GFRA2: variants seen among roughly 807,000 people sequenced by gnomAD.
GFRA2 encodes GDNF family receptor alpha-2.
A neutral mutation model predicts 48.3 loss-of-function variants in GFRA2; 17 were observed. The ratio of observed to expected loss-of-function variants is 0.35; its 90% CI spans 0.24 to 0.53. GFRA2 has a LOEUF of 0.53. Ranked by LOEUF, GFRA2 falls within the 20% of genes least tolerant of loss-of-function variation. The probability of loss-of-function intolerance (pLI) is 0.93; values close to 1 mark genes in which losing one functional copy is unlikely to be tolerated. For missense variants in GFRA2, 660 were observed against 637.3 expected, an observed-to-expected ratio of 1.04 and a Z score of -0.38; for synonymous variants, 305 against 257.2, an observed-to-expected ratio of 1.19 and a Z score of -1.78.
chr8:21,762,274 G>A lies in GFRA2; in HGVS notation c.440-11332C>T, dbSNP rs193139095. 4.6e-5 allele frequency among the ~76,000 whole-genome samples: 7 copies of A among 152,164 alleles called. No individual in the cohort carries two copies. In the East Asian group the frequency reaches 5.8e-4, roughly 13 times the overall value. On this transcript the variant is annotated intron_variant, in intron 3 of 8. Transcript: ENST00000524240. The stretch of plus-strand genomic sequence containing the variant: ...CTGGAAGCAATACATCAGTGTCCCC[G>A]TCCCCAGGAGCTGGCAAGACCAATA...
chr8:21,738,167 A>ATCCCCCTCCCCCGTTCCTCCTCC, intron 4 of GFRA2, among the ~76,000 whole-genome samples: 1 of 3,742 alleles, frequency 2.7e-4, no homozygotes, highest in East Asian at 0.011. Context: ...CCCCCTCCTC[A>ATCCCCCTCCCCCGTTCCTCCTCC]TCCCCCTCCC....
rs1015475829 is a variant in GFRA2 at position 21,782,589 on chromosome 8, G to T, written c.351C>A (p.Thr117=). Residue 117 remains threonine, a synonymous_variant, in exon 2 of 9, where the codon ACC becomes ACA. Coordinates refer to ENST00000524240, the MANE Select transcript of GFRA2 (RefSeq NM_001495.5). ...GCAAGCCCCGCCCAGGCTTACCCTC[G>T]GTCAGCCCCAGGTGGATGCTCCAGT... The part of the protein sequence containing the change: ...QIYWSIHLGL[T]EGEEFYEASP... 1.7e-5 allele frequency: 27 copies of T among 1,571,068 alleles called. No homozygotes were observed. The highest frequency in any genetic ancestry group is 2.3e-5 in the Non-Finnish European group (27 of 1,157,496).
At chr8:21,727,241 C>A (rs1803915788) in intron 4 of GFRA2, among the ~76,000 whole-genome samples, 1 of 152,312 alleles carries the variant, frequency 6.6e-6, no homozygotes, top group Non-Finnish European at 1.5e-5. Flanking sequence ...TGAGAGGTCA[C>A]TCCTCCAAGG....
chr8:21,748,355 T>C (rs1805112677), intron 4 of GFRA2, among the ~76,000 whole-genome samples: 1 of 152,110 alleles, frequency 6.6e-6, no homozygotes, highest in Non-Finnish European at 1.5e-5. Context: ...ATTTATCCAT[T>C]CAACTAACCT....
At chr8:21,701,981 T>G (rs1802502937) in intron 7 of GFRA2, among the ~76,000 whole-genome samples, 2 of 152,106 alleles carry the variant, frequency 1.3e-5, no homozygotes, top group Non-Finnish European at 2.9e-5. Flanking sequence ...GATGGGCCGG[T>G]CCAAGAGGCT....
At chr8:21,705,648 T>C (rs1208733400) in intron 5 of GFRA2, among the ~76,000 whole-genome samples, 1 of 152,244 alleles carries the variant, frequency 6.6e-6, no homozygotes, top group Non-Finnish European at 1.5e-5. Context: ...GTGCAGAGCC[T>C]GGAATGTCAG....
chr8:21,786,809 C>T lies in GFRA2; in HGVS notation c.40+1311G>A, dbSNP rs368453605. 2.0e-5 allele frequency among the ~76,000 whole-genome samples: 3 copies of T among 152,186 alleles called. No individual in the cohort carries two copies. The South Asian group carries it at 6.2e-4, about 31-fold the overall frequency. ...AGTCTGGCGAGCACTTCTTAGACCACGCACATCCTCCTGTAACCAGCTCCT... is the reference window on the plus strand; with the variant it reads ...AGTCTGGCGAGCACTTCTTAGACCATGCACATCCTCCTGTAACCAGCTCCT... On this transcript the variant is annotated intron_variant, in intron 1 of 8. Coordinates refer to ENST00000524240, the MANE Select transcript of GFRA2 (RefSeq NM_001495.5).
At chr8:21,802,158 G>A (rs1050497365) in intron 2 of GFRA2, among the ~76,000 whole-genome samples, 13 of 152,228 alleles carry the variant, frequency 8.5e-5, no homozygotes, top group Admixed American at 4.6e-4. Context: ...TTACTCAGGA[G>A]ACGGGGCTCA....
At position 21,748,713 on chromosome 8, in the gene GFRA2, G is replaced by T. The variant is rs144369395; in HGVS notation, c.794+1875C>A. The stretch of plus-strand genomic sequence containing the variant: ...TAATATCACCTACCTCAGTTTTGTC[G>T]CAAGGATTAAATGAGACAGAAAGCC... On this transcript the variant is annotated intron_variant, in intron 4 of 8. Coordinates refer to ENST00000524240, the MANE Select transcript of GFRA2 (RefSeq NM_001495.5). Among the ~76,000 whole-genome samples, 318 of 152,168 alleles carry T rather than the reference G, an allele frequency of 2.1e-3. 1 individual carries two copies. The highest frequency in any genetic ancestry group is 3.2e-3 in the Non-Finnish European group (218 of 68,006).
intron 1 of GFRA2, among the ~76,000 whole-genome samples, chr8:21,810,672 C>A (rs548691809): frequency 1.3e-5 from 2 of 152,248 alleles, no homozygotes; most frequent in African/African-American, 4.8e-5. Flanking sequence ...CTCAGTGGAG[C>A]CAGTGGTAAC....
At chr8:21,717,180 C>T (rs895462766) in intron 4 of GFRA2, among the ~76,000 whole-genome samples, 1 of 152,156 alleles carries the variant, frequency 6.6e-6, no homozygotes, top group Admixed American at 6.5e-5. Context: ...AGGAGCACTT[C>T]AAGGAGAGCA....
chr8:21,759,753 G>C (rs1350650363), intron 3 of GFRA2, among the ~76,000 whole-genome samples: 1 of 151,918 alleles, frequency 6.6e-6, no homozygotes, highest in African/African-American at 2.4e-5. Context: ...GCCGAGTGTG[G>C]TGGCATGTGC....
At chr8:21,803,787 C>T (rs1431418376) in intron 2 of GFRA2, among the ~76,000 whole-genome samples, 1 of 152,152 alleles carries the variant, frequency 6.6e-6, no homozygotes, top group Non-Finnish European at 1.5e-5. Flanking sequence ...CACAAACCAC[C>T]ACACCTGCTT....
chr8:21,709,291 A>C (rs1802899272), intron 4 of GFRA2, among the ~76,000 whole-genome samples: 1 of 152,206 alleles, frequency 6.6e-6, no homozygotes, highest in African/African-American at 2.4e-5. Context: ...TTCCGTTTCC[A>C]TATTCTAGCT....
intron 4 of GFRA2, among the ~76,000 whole-genome samples, chr8:21,736,053 TG>T (rs1804445544): frequency 6.6e-6 from 1 of 152,224 alleles, no homozygotes; most frequent in Non-Finnish European, 1.5e-5. Context: ...CCCTTCACCT[TG>T]GGAAGTCCCA....
chr8:21,725,596 T>TA (rs557663512), intron 4 of GFRA2, among the ~76,000 whole-genome samples: 209 of 152,390 alleles, frequency 1.4e-3, no homozygotes, highest in Admixed American at 6.1e-3. Flanking sequence ...TTTGAGTGTT[T>TA]AATAGGCATT....
intron 2 of GFRA2, among the ~76,000 whole-genome samples, chr8:21,800,753 C>T (rs1283499548): frequency 1.3e-5 from 2 of 152,048 alleles, no homozygotes; most frequent in Non-Finnish European, 2.9e-5. Context: ...GGTGAGACCC[C>T]ATCTCTATAC....
At chr8:21,787,214 G>C (rs1396352663) in intron 1 of GFRA2, among the ~76,000 whole-genome samples, 2 of 151,302 alleles carry the variant, frequency 1.3e-5, no homozygotes, top group Admixed American at 6.6e-5. Flanking sequence ...AAGAAACTGC[G>C]TGGGGCTCAG....
exon 1 of GFRA2, chr8:21,812,328 G>A (rs1563274434): frequency 6.6e-6 from 1 of 152,324 alleles, no homozygotes; most frequent in Non-Finnish European, 1.5e-5. Context: ...GGTTGCCCTT[G>A]CCGGGGTCTC....
Sources: allele counts gnomAD v4.1 joint callset (sites outside exome capture counted in the v4.1 genomes callset), GRCh38; gene constraint gnomAD v4.1.1; transcripts MANE v1.5; gene names NCBI Gene and HGNC (gene_info 2026-07-23, HGNC 2026-07-21).